Variants in MICU1 observed in about 807,000 individuals in gnomAD.
MICU1 encodes the protein mitochondrial calcium uptake 1, also known as calcium uptake protein 1, mitochondrial.
In MICU1, 45 loss-of-function variants were observed where a neutral mutation model predicts 56.8. The observed-to-expected ratio is 0.79, with a 90% CI of 0.62 to 1.02. MICU1 has a LOEUF of 1.02. MICU1 is among the 50% of genes least tolerant of loss of function. MICU1 has a pLI of 0.00. For missense variants in MICU1, 504 were observed against 587.1 expected (o/e 0.86, Z 1.46); for synonymous variants, 186 against 195.1 (o/e 0.95, Z 0.39).
intron 1 of MICU1, among the ~76,000 whole-genome samples, chr10:72,581,044 T>C (rs373710635): frequency 1.3e-5 from 2 of 152,188 alleles, no homozygotes; most frequent in Non-Finnish European, 2.9e-5. Context: ...AATTACAGTA[T>C]GCCCAATTCA....
intron 2 of MICU1, among the ~76,000 whole-genome samples, chr10:72,566,412 G>T (rs2132475127): frequency 6.6e-6 from 1 of 152,264 alleles, no homozygotes; most frequent in East Asian, 1.9e-4. Flanking sequence ...GTTCAGCAGA[G>T]GAGACAGGCA....
intron 6 of MICU1, among the ~76,000 whole-genome samples, chr10:72,500,686 A>C (rs1303046810): frequency 6.6e-6 from 1 of 152,142 alleles, no homozygotes; most frequent in Non-Finnish European, 1.5e-5. Context: ...ATTAGCCCAC[A>C]GGGTTAATAA....
At position 72,508,251 on chromosome 10, in the gene MICU1, C is replaced by G; in HGVS notation, c.556G>C (p.Glu186Gln). ...ATACTGCCTTCATCAGCAAATTTTTCTCGTTCCTGGGAAATTTTCTATAGA... is the reference window on the plus strand; with the variant it reads ...ATACTGCCTTCATCAGCAAATTTTTGTCGTTCCTGGGAAATTTTCTATAGA... ...FDGKKISQER[E>Q]KFADEGSIFY... is the part of the protein sequence containing the mutation. The change falls in exon 6 of 12, where the codon GAA (glutamate) becomes CAA (glutamine). Residue 186 changes from glutamate (E) to glutamine (Q), a missense_variant. Physicochemically the swap from Glu to Gln is conservative, Grantham distance 29. Coordinates refer to ENST00000361114, the MANE Select transcript of MICU1 (RefSeq NM_001195518.2). The G allele has an allele frequency of 1.3e-6, 2 of 1,512,942 alleles. No individual in the cohort carries two copies. The highest frequency in any genetic ancestry group is 1.8e-6 in the Non-Finnish European group (2 of 1,113,622). The allele number at this position is 1,512,942 out of a possible 1,614,324, so 93.7% of individuals were successfully genotyped here. A position where few individuals can be genotyped will look rare whatever the true frequency, so the allele number is the denominator to read the frequency against.
chr10:72,550,328 C>T (rs1224171259), intron 4 of MICU1, among the ~76,000 whole-genome samples: 1 of 152,140 alleles, frequency 6.6e-6, no homozygotes, highest in Non-Finnish European at 1.5e-5. Context: ...AGTCTAGGAA[C>T]AATAGGCTAT....
At chr10:72,570,542 G>T (rs1379891141) in intron 1 of MICU1, among the ~76,000 whole-genome samples, 1 of 152,022 alleles carries the variant, frequency 6.6e-6, no homozygotes, top group Non-Finnish European at 1.5e-5. Context: ...AGACTACTTA[G>T]GCATCTCCTA....
chr10:72,515,371 C>T (rs1867615961), intron 5 of MICU1, among the ~76,000 whole-genome samples: 1 of 152,172 alleles, frequency 6.6e-6, no homozygotes, highest in African/African-American at 2.4e-5. Context: ...GAGTTCCCCG[C>T]TGTGTCATTT....
At chr10:72,575,237 T>TC (rs1393694441) in intron 1 of MICU1, among the ~76,000 whole-genome samples, 1 of 152,224 alleles carries the variant, frequency 6.6e-6, no homozygotes, top group Non-Finnish European at 1.5e-5. Context: ...AGCAGCAGTC[T>TC]CCTCTGTCTG....
chr10:72,609,223 T>C (rs1841771624), intron 1 of MICU1, among the ~76,000 whole-genome samples: 1 of 151,822 alleles, frequency 6.6e-6, no homozygotes, highest in Admixed American at 6.6e-5. Context: ...AGAGGGAAAA[T>C]GGGAATTTAT....
At position 72,375,789 on chromosome 10, in the gene MICU1, A is replaced by T; in HGVS notation, c.1264T>A (p.Cys422Ser). The T allele has an allele frequency of 6.2e-7, 1 of 1,612,606 alleles. No homozygotes were observed. Among genetic ancestry groups the T allele is most frequent in the Non-Finnish European group, 8.5e-7 (1 of 1,179,370 alleles). ...VCDVVFALFD[C>S]DGNGELSNKE... ...TCCAGAGGGCCCCACTCACCATCAC[A>T]GTCAAAGAGTGCAAACACCACATCA... The change falls in exon 11 of 12, where the codon TGT (cysteine) becomes AGT (serine). Residue 422 changes from cysteine to serine, a missense_variant. Cys to Ser is a moderately radical substitution (Grantham distance 112, BLOSUM62 -1). Coordinates refer to ENST00000361114, the MANE Select transcript of MICU1 (RefSeq NM_001195518.2).
At chr10:72,612,544 C>T (rs1349193441) in intron 1 of MICU1, among the ~76,000 whole-genome samples, 1 of 152,118 alleles carries the variant, frequency 6.6e-6, no homozygotes, top group Non-Finnish European at 1.5e-5. Context: ...TGCCTATAAT[C>T]CCAGAGCTTT....
intron 3 of MICU1, among the ~76,000 whole-genome samples, chr10:72,554,100 T>C (rs1304666991): frequency 6.6e-6 from 1 of 152,228 alleles, no homozygotes; most frequent in Admixed American, 6.5e-5. Context: ...CTAGACTTAA[T>C]TGGATCAAAA....
At chr10:72,622,238 TAA>T (rs747962682) in intron 1 of MICU1, among the ~76,000 whole-genome samples, 8 of 93,322 alleles carry the variant, frequency 8.6e-5, no homozygotes, top group Admixed American at 2.0e-4. Flanking sequence ...TTCTCTTAAT[TAA>T]AAAAAAAAAA....
chr10:72,505,894 T>C (rs897166830), intron 6 of MICU1, among the ~76,000 whole-genome samples: 6 of 150,956 alleles, frequency 4.0e-5, no homozygotes, highest in African/African-American at 1.5e-4. Context: ...AAATCATTCA[T>C]ACCCAAACGT....
intron 4 of MICU1, among the ~76,000 whole-genome samples, chr10:72,545,662 G>T (rs533767865): frequency 9.2e-5 from 14 of 152,272 alleles, no homozygotes; most frequent in African/African-American, 3.4e-4. Flanking sequence ...AGGGACAAAA[G>T]ATGGCAAATA....
At chr10:72,445,025 T>C (rs1389523404) in intron 8 of MICU1, among the ~76,000 whole-genome samples, 1 of 152,192 alleles carries the variant, frequency 6.6e-6, no homozygotes, top group African/African-American at 2.4e-5. Flanking sequence ...TGATAGGCTG[T>C]GGGCTCTGCT....
chr10:72,532,290 C>T (rs1295519625), intron 5 of MICU1, among the ~76,000 whole-genome samples: 1 of 151,350 alleles, frequency 6.6e-6, no homozygotes, highest in Non-Finnish European at 1.5e-5. Flanking sequence ...TGCACTCCAG[C>T]CCAGGCGACA....
intron 3 of MICU1, among the ~76,000 whole-genome samples, chr10:72,558,411 G>A (rs972604636): frequency 1.3e-5 from 2 of 152,184 alleles, no homozygotes; most frequent in Non-Finnish European, 2.9e-5. Flanking sequence ...AACAGGCAAA[G>A]CAATTAGGGG....
At chr10:72,503,865 GACACACACACACACACAC>G (rs59119352) in intron 6 of MICU1, among the ~76,000 whole-genome samples, 1 of 146,402 alleles carries the variant, frequency 6.8e-6, no homozygotes, top group East Asian at 2.1e-4. Context: ...ATTTACAATA[GACACACACACACACACAC>G]ACACACACAC....
intron 7 of MICU1, among the ~76,000 whole-genome samples, chr10:72,476,833 T>C (rs188237167): frequency 1.6e-3 from 238 of 152,326 alleles, no homozygotes; most frequent in South Asian, 4.6e-3. Context: ...ATGTAGTCCT[T>C]GTATTCTGGA....
Sources: allele counts gnomAD v4.1 joint callset (sites outside exome capture counted in the v4.1 genomes callset), GRCh38; gene constraint gnomAD v4.1.1; transcripts MANE v1.5; gene names NCBI Gene and HGNC (gene_info 2026-07-23, HGNC 2026-07-21).